Variants in AZGP1 observed in about 807,000 individuals in gnomAD.
AZGP1 encodes the protein alpha-2-glycoprotein 1, zinc-binding, also known as zinc-alpha-2-glycoprotein.
A neutral mutation model predicts 31.5 loss-of-function variants in AZGP1; 28 were observed. The ratio of observed to expected loss-of-function variants is 0.89; its 90% confidence interval spans 0.66 to 1.22. AZGP1 has a LOEUF of 1.22. Among genes scored for constraint, AZGP1 ranks in the 50% most tolerant of loss-of-function variants. The pLI is 0.00. For missense variants in AZGP1, 361 were observed against 371.8 expected (o/e 0.97, Z 0.24); for synonymous variants, 135 against 145.4 (o/e 0.93, Z 0.51).
chr7:99,968,377 T>C lies in AZGP1; in HGVS notation c.391A>G (p.Ser131Gly), dbSNP rs1201929480. ...TAGTAATATTTCCAGAATGCTCCGC[T>C]GCTTCTGTTATTCTCGATCTCACAA... ...FGCEIENNRS[S>G]GAFWKYYYDG... The change falls in exon 3 of 4, where the codon AGC becomes GGC. Residue 131 changes from serine (S) to glycine (G), a missense_variant. Coordinates refer to ENST00000292401, the MANE Select transcript of AZGP1 (RefSeq NM_001185.4). 6.2e-7 allele frequency: 1 copy of C among 1,613,844 alleles called. No homozygotes were observed. Among genetic ancestry groups the C allele is most frequent in the African/African-American group, 1.3e-5 (1 of 74,816 alleles).
At chr7:99,967,780 T>C in intron 3 of AZGP1, 1 of 512,342 alleles carries the variant, frequency 2.0e-6, no homozygotes, top group Non-Finnish European at 3.4e-6. Context: ...ATGGGAGGCA[T>C]CATTGTAGAG....
At chr7:99,975,600 C>T (rs1017856101) in intron 1 of AZGP1, among the ~76,000 whole-genome samples, 3 of 152,116 alleles carry the variant, frequency 2.0e-5, no homozygotes, top group Admixed American at 1.3e-4. Context: ...ACCCAGCCAT[C>T]GGAAGGAGGG....
intron 1 of AZGP1, 65 bp downstream of exon 1, chr7:99,975,880 A>G: frequency 6.4e-7 from 1 of 1,573,864 alleles, no homozygotes; most frequent in Non-Finnish European, 8.7e-7. Context: ...TCTCCCAGCC[A>G]CATGTCCTGT....
Position 99,967,065 on chromosome 7 carries a change from A to C in AZGP1, c.835T>G (p.Ser279Ala). ...AVPPQDTAPY[S>A]CHVQHSSLAQ... ...AGGCTGCTGTGCTGCACGTGGCAGG[A>C]GTAGGGGGCTGTGTCCTGCGGGGGC... Residue 279 changes from serine (S) to alanine (A), a missense_variant, in exon 4 of 4, where the codon TCC (serine) becomes GCC (alanine). Transcript: ENST00000292401. The C allele has an allele frequency of 6.2e-7, 1 of 1,614,164 alleles. No homozygotes were observed. Among genetic ancestry groups the C allele is most frequent in the Non-Finnish European group, 8.5e-7 (1 of 1,180,030 alleles).
Position 99,968,286 on chromosome 7 carries a change from G to T in AZGP1, c.482C>A (p.Ala161Asp), listed in dbSNP as rs746022437. The T allele has an allele frequency of 3.1e-6, 5 of 1,613,582 alleles. No homozygotes were observed. In the African/African-American group the frequency reaches 6.7e-5, roughly 22 times the overall value. ...CTCCCACTTCTGCTTGGTTATCTGG[G>T]CTGCTGGGTCGAAGGGGACCCAGGC... is the stretch of plus-strand genomic sequence containing the variant. ...IPAWVPFDPA[A>D]QITKQKWEAE... is the part of the protein sequence containing the mutation. The change falls in exon 3 of 4, where the codon GCC becomes GAC. Residue 161 changes from alanine (A) to aspartate (D), a missense_variant. By Grantham distance (126) the Ala-to-Asp change is moderately radical. Transcript: ENST00000292401.
intron 1 of AZGP1, among the ~76,000 whole-genome samples, chr7:99,975,253 G>A (rs932232166): frequency 6.6e-6 from 1 of 151,988 alleles, no homozygotes; most frequent in Non-Finnish European, 1.5e-5. Flanking sequence ...ATTCCAAAGT[G>A]ATTGTTATAT....
rs765938792 is a variant in AZGP1 at position 99,966,976 on chromosome 7, T to A, written c.*27A>T. The A allele has an allele frequency of 6.2e-7, 1 of 1,605,294 alleles. No individual in the cohort carries two copies. On this transcript the variant is annotated 3_prime_UTR_variant, in exon 4 of 4. Coordinates refer to ENST00000292401, the MANE Select transcript of AZGP1 (RefSeq NM_001185.4). ...GGAAGGGCAGCTACTGGGTCTGAGA[T>A]CCCACATTGCCTCCAACCCTTGCTT...
chr7:99,971,705 T>G (rs755167076), intron 2 of AZGP1, 41 bp downstream of exon 2: 1 of 1,589,846 alleles, frequency 6.3e-7, no homozygotes, highest in South Asian at 1.1e-5. Context: ...GGCTGCCTCT[T>G]GGGTTAGACC....
intron 1 of AZGP1, among the ~76,000 whole-genome samples, chr7:99,975,035 G>A (rs1419886193): frequency 6.6e-6 from 1 of 152,112 alleles, no homozygotes; most frequent in Non-Finnish European, 1.5e-5. Context: ...TCCCAATAGT[G>A]TGAGTCAATT....
At chr7:99,972,268 C>T (rs761577327) in intron 1 of AZGP1, among the ~76,000 whole-genome samples, 9 of 152,154 alleles carry the variant, frequency 5.9e-5, no homozygotes, top group East Asian at 1.9e-4. Context: ...TCAGCCACCT[C>T]GAAGATATAT....
intron 1 of AZGP1, among the ~76,000 whole-genome samples, chr7:99,973,831 G>A (rs539540864): frequency 2.4e-4 from 36 of 150,734 alleles, no homozygotes; most frequent in African/African-American, 7.1e-4. Flanking sequence ...CAGGAGAATC[G>A]CTTAAGCCCG....
rs201410711 is a variant in AZGP1, at chr7:99,968,335, T to C, written c.433A>G (p.Ile145Val). ...WKYYYDGKDY[I>V]EFNKEIPAWV... ...GCTGGGATTTCTTTGTTGAATTCAA[T>C]GTAGTCCTTTCCATCATAGTAATAT... is the stretch of plus-strand genomic sequence containing the variant. Residue 145 changes from isoleucine to valine, a missense_variant, in exon 3 of 4, where the codon ATT becomes GTT. Ile to Val is a conservative substitution (Grantham distance 29). Transcript: ENST00000292401. 3.0e-5 allele frequency: 48 copies of C among 1,613,788 alleles called. 1 individual carries two copies. The East Asian group carries it at 9.8e-4, about 33-fold the overall frequency.
intron 2 of AZGP1, among the ~76,000 whole-genome samples, chr7:99,970,521 G>C (rs1326641156): frequency 6.6e-6 from 1 of 152,118 alleles, no homozygotes; most frequent in African/African-American, 2.4e-5. Context: ...GGGATTACAA[G>C]AGTGAGCCAC....
chr7:99,971,603 G>A (rs1370013344), intron 2 of AZGP1, 143 bp downstream of exon 2: 8 of 1,073,628 alleles, frequency 7.5e-6, no homozygotes, highest in African/African-American at 6.3e-5. Flanking sequence ...GGTGGGATGT[G>A]GACATGTCTG....
intron 3 of AZGP1, chr7:99,967,536 G>C (rs772116544): frequency 5.4e-5 from 30 of 555,914 alleles, no homozygotes; most frequent in Non-Finnish European, 9.0e-5. Context: ...GCTTCTCCAT[G>C]TTTTCCCACA....
chr7:99,969,698 C>T lies in AZGP1; in HGVS notation c.338-1268G>A, dbSNP rs994420568. Among the ~76,000 whole-genome samples the T allele has an allele frequency of 2.0e-5, 3 of 152,110 alleles. No homozygotes were observed. In the East Asian group the frequency reaches 5.8e-4, roughly 29 times the overall value. ...CCTGAGGAAGCTGTCACAACTACAC[C>T]AAAGTGTACTTCCAAATTGGATAGA... is the stretch of plus-strand genomic sequence containing the variant. On this transcript the variant is annotated intron_variant, in intron 2 of 3. Coordinates refer to ENST00000292401, the MANE Select transcript of AZGP1 (RefSeq NM_001185.4).
At chr7:99,975,451 G>A (rs1050674199) in intron 1 of AZGP1, among the ~76,000 whole-genome samples, 7 of 152,030 alleles carry the variant, frequency 4.6e-5, no homozygotes, top group African/African-American at 7.2e-5. Context: ...CCAGCCACTC[G>A]CCTTCCAGAC....
intron 1 of AZGP1, 69 bp from the exon 2 acceptor site, chr7:99,972,075 G>C: frequency 1.3e-6 from 2 of 1,502,318 alleles, no homozygotes; most frequent in South Asian, 2.7e-5. Context: ...CATAGGGCTA[G>C]GAGGGGAGAC....
In AZGP1 at chr7:99,967,199, T is replaced by C; in HGVS notation, c.701A>G (p.Lys234Arg). The change falls in exon 4 of 4, where the codon AAA (lysine) becomes AGA (arginine). Residue 234 changes from lysine (K) to arginine (R), a missense_variant. Coordinates refer to ENST00000292401, the MANE Select transcript of AZGP1 (RefSeq NM_001185.4). ...KCLAYDFYPG[K>R]IDVHWTRAGE... ...GGCCCGAGTCCAGTGCACATCAATT[T>C]TCCCTGGGTAGAAGTCGTAGGCCAG... 1 of 1,614,026 alleles carries C rather than the reference T, an allele frequency of 6.2e-7. No individual in the cohort carries two copies. Among genetic ancestry groups the C allele is most frequent in the South Asian group, 1.1e-5 (1 of 91,062 alleles).
Sources: allele counts gnomAD v4.1 joint callset (sites outside exome capture counted in the v4.1 genomes callset), GRCh38; gene constraint gnomAD v4.1.1; transcripts MANE v1.5; gene names NCBI Gene and HGNC (gene_info 2026-07-23, HGNC 2026-07-21).